OPCML: variants seen among roughly 807,000 people sequenced by gnomAD.
OPCML encodes the protein opioid binding protein/cell adhesion molecule like.
Under a neutral mutation model 37.8 loss-of-function variants are expected in OPCML, and 13 were observed. That is an observed-to-expected ratio of 0.34 (90% CI 0.22 to 0.55). The LOEUF (loss-of-function observed/expected upper bound fraction) is 0.55. Ranked by LOEUF, OPCML falls within the 20% of genes least tolerant of loss-of-function variation. The pLI is 0.91. For synonymous variants in OPCML, 176 were observed against 168.8 expected, an observed-to-expected ratio of 1.04 and a Z score of -0.33; for missense variants, 341 against 435.6, an observed-to-expected ratio of 0.78 and a Z score of 1.93.
intron 1 of OPCML, among the ~76,000 whole-genome samples, chr11:133,346,755 A>G (rs78766222): frequency 0.04 from 6,144 of 152,304 alleles, 147 homozygotes; most frequent in Middle Eastern, 0.048. Context: ...TGTTTGATTA[A>G]TTAATTTAAC....
intron 2 of OPCML, among the ~76,000 whole-genome samples, chr11:132,737,806 A>G (rs961052596): frequency 2.0e-5 from 3 of 152,220 alleles, no homozygotes; most frequent in African/African-American, 4.8e-5. Flanking sequence ...AGAATAAACT[A>G]TGAGATGCTA....
At chr11:133,367,439 A>G (rs1456493444) in intron 1 of OPCML, among the ~76,000 whole-genome samples, 2 of 152,196 alleles carry the variant, frequency 1.3e-5, no homozygotes, top group Non-Finnish European at 2.9e-5. Flanking sequence ...GAATGGAAAA[A>G]TGGTCCCAGC....
chr11:133,018,297 GAAGA>G (rs572102194), intron 1 of OPCML, among the ~76,000 whole-genome samples: 137 of 152,336 alleles, frequency 9.0e-4, no homozygotes, highest in Admixed American at 1.8e-3. Flanking sequence ...AATGGATGCA[GAAGA>G]TAGAAAGTGC....
intron 1 of OPCML, among the ~76,000 whole-genome samples, chr11:133,152,497 C>T (rs537225842): frequency 1.3e-5 from 2 of 152,186 alleles, no homozygotes; most frequent in Admixed American, 6.5e-5. Context: ...CTCTTTCATA[C>T]CTCTTGCAAT....
chr11:132,698,829 C>T (rs965928065), intron 2 of OPCML, among the ~76,000 whole-genome samples: 7 of 151,868 alleles, frequency 4.6e-5, no homozygotes, highest in African/African-American at 1.7e-4. Flanking sequence ...GGTCCAAGTT[C>T]ATTCTTCTGC....
rs1382333488 is a variant in OPCML at position 133,212,897 on chromosome 11, T to A, written c.62-269887A>T. Among the ~76,000 whole-genome samples, 3 of 152,194 alleles carry A rather than the reference T, an allele frequency of 2.0e-5. No individual in the cohort carries two copies. Among genetic ancestry groups the A allele is most frequent in the African/African-American group, 7.2e-5 (3 of 41,452 alleles). On this transcript the variant is annotated intron_variant, in intron 1 of 7. Coordinates refer to ENST00000524381, the MANE Select transcript of OPCML (RefSeq NM_001012393.5). This position sits in a 1 kb window ranked among gnomAD's most constrained non-coding sequence, Gnocchi z 4.9. ...CCACGTTTGTATCTGCGTCATGCCG[T>A]TAAACCACACATCAAGCTTTTATGT...
chr11:133,470,746 A>C (rs1403581792), intron 1 of OPCML, among the ~76,000 whole-genome samples: 1 of 152,210 alleles, frequency 6.6e-6, no homozygotes, highest in Non-Finnish European at 1.5e-5. Flanking sequence ...GGAAAAAGTG[A>C]AAAGAGCAAC....
chr11:132,431,541 G>A (rs1180097838), intron 7 of OPCML, among the ~76,000 whole-genome samples: 1 of 152,200 alleles, frequency 6.6e-6, no homozygotes, highest in Non-Finnish European at 1.5e-5. Flanking sequence ...GGCAACCGGT[G>A]TGATAAAGAA....
At chr11:133,506,062 T>C (rs193145644) in intron 1 of OPCML, among the ~76,000 whole-genome samples, 19 of 152,358 alleles carry the variant, frequency 1.2e-4, no homozygotes, top group Admixed American at 3.3e-4. Flanking sequence ...AATAATGTCT[T>C]ACATTAGCAA....
At chr11:132,632,221 AG>A (rs565196563) in intron 3 of OPCML, among the ~76,000 whole-genome samples, 82 of 147,426 alleles carry the variant, frequency 5.6e-4, no homozygotes, top group African/African-American at 1.9e-3. Context: ...AGGGTGCCTC[AG>A]GCATCTTTAT....
chr11:133,189,856 C>T (rs1938232331), intron 1 of OPCML, among the ~76,000 whole-genome samples: 1 of 152,186 alleles, frequency 6.6e-6, no homozygotes, highest in Non-Finnish European at 1.5e-5. Context: ...TCACATCTAT[C>T]CCTGGAGGTT....
chr11:133,314,166 C>T (rs993255995), intron 1 of OPCML, among the ~76,000 whole-genome samples: 7 of 125,120 alleles, frequency 5.6e-5, no homozygotes, highest in South Asian at 2.8e-4. Context: ...ACCCAGGAGT[C>T]GGAGCTTGCA....
At chr11:132,634,644 G>A (rs1405029398) in intron 3 of OPCML, among the ~76,000 whole-genome samples, 1 of 152,160 alleles carries the variant, frequency 6.6e-6, no homozygotes, top group African/African-American at 2.4e-5. Context: ...AAGAGATGAG[G>A]AAGCAGGAAG....
chr11:133,289,962 T>C (rs1942429976), intron 1 of OPCML, among the ~76,000 whole-genome samples: 1 of 152,164 alleles, frequency 6.6e-6, no homozygotes, highest in Non-Finnish European at 1.5e-5. Context: ...TGGAGGCAAC[T>C]GAGGAACCTT....
In OPCML at chr11:133,442,178, G is replaced by T. The variant is rs1225436920; in HGVS notation, c.61+90086C>A. 9.9e-5 allele frequency among the ~76,000 whole-genome samples: 15 copies of T among 152,120 alleles called. 1 individual carries two copies. Among genetic ancestry groups the T allele is most frequent in the Admixed American group, 9.8e-4 (15 of 15,270 alleles). The stretch of plus-strand genomic sequence containing the variant: ...CTCAGCTAGTTGCAGTGGAGCTTGG[G>T]TTTAAACTGAATTTGACTAGGTCCT... On this transcript the variant is annotated intron_variant, in intron 1 of 7. Coordinates refer to ENST00000524381, the MANE Select transcript of OPCML (RefSeq NM_001012393.5).
In OPCML at chr11:132,497,091, G is replaced by A. The variant is rs548368116; in HGVS notation, c.505+31970C>T. 7.4e-4 allele frequency among the ~76,000 whole-genome samples: 112 copies of A among 152,248 alleles called. 4 individuals are homozygous for A. The South Asian group carries it at 0.013, about 17-fold the overall frequency. On this transcript the variant is annotated intron_variant, in intron 4 of 7. Transcript: ENST00000524381. ...AAGGAATAAGATCATGTATTTTGCAGGGACATGGATGGAGCTGAAACCCAT... is the reference window on the plus strand; with the variant it reads ...AAGGAATAAGATCATGTATTTTGCAAGGACATGGATGGAGCTGAAACCCAT...
At chr11:132,584,128 C>A (rs578099731) in intron 3 of OPCML, among the ~76,000 whole-genome samples, 1 of 151,960 alleles carries the variant, frequency 6.6e-6, no homozygotes, top group South Asian at 2.1e-4. Flanking sequence ...TAAAAAATTA[C>A]GGGAATTTGT....
At chr11:132,641,981 T>G (rs1940877189) in intron 3 of OPCML, among the ~76,000 whole-genome samples, 1 of 152,196 alleles carries the variant, frequency 6.6e-6, no homozygotes, top group South Asian at 2.1e-4. Context: ...GTTTTTCTTT[T>G]GAAACTAGAG....
intron 2 of OPCML, among the ~76,000 whole-genome samples, chr11:132,938,212 T>G (rs1220844119): frequency 1.3e-5 from 2 of 152,234 alleles, no homozygotes; most frequent in Non-Finnish European, 2.9e-5. Flanking sequence ...TCCACCACAG[T>G]ATCTATAGTC....
Sources: gnomAD v4.1 joint callset for allele counts (sites outside exome capture counted in the v4.1 genomes callset) on GRCh38, gnomAD v4.1.1 for gene constraint, Gnocchi (gnomAD v3.1) non-coding constraint, MANE v1.5 for transcripts, NCBI Gene and HGNC (gene_info 2026-07-23, HGNC 2026-07-21) for gene names.